The following ZC3H12C variants were observed in gnomAD, a reference collection of about 807,000 sequenced individuals.
ZC3H12C encodes probable ribonuclease ZC3H12C.
A neutral mutation model predicts 76.3 loss-of-function variants in ZC3H12C; 20 were observed. That is an observed-to-expected ratio of 0.26 (90% CI 0.18 to 0.38). The LOEUF is 0.38. ZC3H12C is among the 10% of genes least tolerant of loss of function. The pLI is 1.00. For missense variants in ZC3H12C, 874 were observed against 1,086.5 expected, an observed-to-expected ratio of 0.80 and a Z score of 2.75; for synonymous variants, 352 against 399.6, an observed-to-expected ratio of 0.88 and a Z score of 1.42.
At position 110,117,723 on chromosome 11, in the gene ZC3H12C, C is replaced by T. The variant is rs12419911; in HGVS notation, c.22-18940C>T. 4.1e-3 allele frequency among the ~76,000 whole-genome samples: 53 copies of T among 12,980 alleles called. 1 individual carries two copies. Among genetic ancestry groups the T allele is most frequent in the East Asian group, 0.021 (2 of 96 alleles). The allele number at this position is 12,980 out of a possible 152,430, so 8.5% of individuals were successfully genotyped here. On this transcript the variant is annotated intron_variant, in intron 1 of 5. Coordinates refer to ENST00000278590, the MANE Select transcript of ZC3H12C (RefSeq NM_033390.2). ...TATATATTATATATATACACACACA[C>T]ATATATATATACACACACATATATA...
At chr11:110,132,796 T>C (rs192566233) in intron 1 of ZC3H12C, among the ~76,000 whole-genome samples, 1 of 152,296 alleles carries the variant, frequency 6.6e-6, no homozygotes, top group East Asian at 1.9e-4. Flanking sequence ...CATTGATTAA[T>C]TTAAGATGGT....
chr11:110,094,695 A>G (rs1258875934), intron 1 of ZC3H12C, among the ~76,000 whole-genome samples: 1 of 152,152 alleles, frequency 6.6e-6, no homozygotes, highest in African/African-American at 2.4e-5. Flanking sequence ...ACATTGGTAA[A>G]ATTAATCTTA....
In ZC3H12C at chr11:110,164,521, C is replaced by T. The variant is rs1413129054; in HGVS notation, c.1436C>T (p.Thr479Ile). Reference protein sequence around the residue: ...SVPCSTKADSTSDVKRGAPKR... With the variant: ...SVPCSTKADSISDVKRGAPKR... Reference sequence around the variant, plus strand: ...CCTTGTAGCACCAAGGCTGATAGCACTTCTGATGTCAAACGAGGTGCTCCA... The same window carrying T: ...CCTTGTAGCACCAAGGCTGATAGCATTTCTGATGTCAAACGAGGTGCTCCA... Residue 479 changes from threonine to isoleucine, a missense_variant, in exon 6 of 6, where the codon ACT becomes ATT. By Grantham distance (89) the Thr-to-Ile change is moderately conservative. This residue lies in a region of ZC3H12C where 269 missense variants were observed against 424.9 expected (regional missense o/e 0.63). Coordinates refer to ENST00000278590, the MANE Select transcript of ZC3H12C (RefSeq NM_033390.2). The surrounding 1 kb of genome is among the most constrained non-coding windows in gnomAD (Gnocchi z 5.7). 1 of 1,614,000 alleles carries T rather than the reference C, an allele frequency of 6.2e-7. No homozygotes were observed. The highest frequency in any genetic ancestry group is 1.7e-5 in the Admixed American group (1 of 60,022).
At chr11:110,115,109 A>AT (rs953160566) in intron 1 of ZC3H12C, among the ~76,000 whole-genome samples, 31 of 151,548 alleles carry the variant, frequency 2.0e-4, no homozygotes, top group Admixed American at 2.0e-4. Flanking sequence ...ATTTTTATGT[A>AT]TTTATTTATT....
chr11:110,140,390 T>G (rs527340542), intron 2 of ZC3H12C, among the ~76,000 whole-genome samples: 1 of 152,246 alleles, frequency 6.6e-6, no homozygotes, highest in African/African-American at 2.4e-5. Flanking sequence ...TTCTTCAATA[T>G]TCTTCCATGA....
chr11:110,153,033 A>G lies in ZC3H12C; in HGVS notation c.888A>G (p.Gln296=), dbSNP rs777108254. The G allele has an allele frequency of 1.4e-5, 22 of 1,611,816 alleles. No homozygotes were observed. Among genetic ancestry groups the G allele is most frequent in the Non-Finnish European group, 3.4e-6 (4 of 1,179,016 alleles). Residue 296 remains glutamine (Q), a synonymous_variant, in exon 3 of 6, where the codon CAA becomes CAG. Transcript: ENST00000278590. Reference sequence around the variant, plus strand: ...TTGTTCCTGCTTGGAGGAAAGAGCAATCCCGACCTGATGCTCTCATTACAG... The same window carrying G: ...TTGTTCCTGCTTGGAGGAAAGAGCAGTCCCGACCTGATGCTCTCATTACAG... The part of the protein sequence containing the change: ...TVFVPAWRKE[Q]SRPDALITDQ...
intron 4 of ZC3H12C, among the ~76,000 whole-genome samples, chr11:110,161,959 C>T (rs1414659602): frequency 6.6e-6 from 1 of 152,112 alleles, no homozygotes; most frequent in African/African-American, 2.4e-5. Flanking sequence ...GGCGAAACCC[C>T]GTCTCTACTA....
Position 110,165,657 on chromosome 11 carries a change from A to G in ZC3H12C, c.2572A>G (p.Met858Val), listed in dbSNP as rs1375204838. The G allele has an allele frequency of 6.3e-7, 1 of 1,598,526 alleles. No individual in the cohort carries two copies. Among genetic ancestry groups the G allele is most frequent in the African/African-American group, 1.3e-5 (1 of 74,582 alleles). Residue 858 changes from methionine (M) to valine (V), a missense_variant, in exon 6 of 6, where the codon ATG becomes GTG. Met to Val is a conservative substitution (Grantham distance 21). Around this residue, in one of 3 missense-constraint regions of ZC3H12C, gnomAD observed 395 missense variants for 434.4 expected, o/e 0.91. Coordinates refer to ENST00000278590, the MANE Select transcript of ZC3H12C (RefSeq NM_033390.2). ...CCCCCCTGACCTTGTGAGAATTGTC[A>G]TGAAAAGGAATCCTCACATGACAGA... The part of the protein sequence containing the change: ...IFPPDLVRIV[M>V]KRNPHMTDAQ...
chr11:110,105,944 C>A (rs1158882192), intron 1 of ZC3H12C, among the ~76,000 whole-genome samples: 5 of 152,070 alleles, frequency 3.3e-5, no homozygotes, highest in Non-Finnish European at 2.9e-5. Context: ...TTAACAAATT[C>A]CTAGATGTGG....
chr11:110,136,406 A>G, intron 1 of ZC3H12C: 1 of 386,050 alleles, frequency 2.6e-6, no homozygotes, highest in South Asian at 4.8e-5. Context: ...ATCAGACGAA[A>G]CTGGGTAAAA....
intron 2 of ZC3H12C, among the ~76,000 whole-genome samples, chr11:110,139,710 A>T (rs940761079): frequency 6.6e-6 from 1 of 152,206 alleles, no homozygotes; most frequent in Admixed American, 6.5e-5. Flanking sequence ...GGAATAGTGA[A>T]GGAAGGTCAT....
intron 1 of ZC3H12C, among the ~76,000 whole-genome samples, chr11:110,109,529 A>G (rs1297083709): frequency 2.6e-5 from 4 of 152,112 alleles, no homozygotes; most frequent in Admixed American, 6.5e-5. Context: ...TTCCTTCATC[A>G]TTCATTACCA....
intron 1 of ZC3H12C, among the ~76,000 whole-genome samples, chr11:110,125,386 A>ATC (rs1260808617): frequency 6.7e-6 from 1 of 150,374 alleles, no homozygotes; most frequent in African/African-American, 2.5e-5. Flanking sequence ...CAGTGGTGTG[A>ATC]TCTTGGCTCC....
intron 1 of ZC3H12C, among the ~76,000 whole-genome samples, chr11:110,113,951 C>T (rs1170150141): frequency 1.3e-5 from 2 of 152,160 alleles, no homozygotes; most frequent in Non-Finnish European, 2.9e-5. Context: ...GAAATATGTA[C>T]TCAGAAACCT....
intron 1 of ZC3H12C, among the ~76,000 whole-genome samples, chr11:110,096,121 T>C (rs1354236107): frequency 1.3e-5 from 2 of 152,188 alleles, no homozygotes; most frequent in South Asian, 2.1e-4. Context: ...AAAACACATG[T>C]TATAATCTCT....
chr11:110,164,566 G>A lies in ZC3H12C; in HGVS notation c.1481G>A (p.Ser494Asn), dbSNP rs1405992426. ...RGAPKRQSDP[S>N]IRTQVYQDLE... ...GCTCCAAAGAGGCAATCAGATCCAA[G>A]CATAAGGACACAAGTCTACCAAGAC... Residue 494 changes from serine to asparagine, a missense_variant, in exon 6 of 6, where the codon AGC becomes AAC. Ser to Asn is a conservative substitution (Grantham distance 46, BLOSUM62 1). Transcript: ENST00000278590. The surrounding 1 kb of genome is among the most constrained non-coding windows in gnomAD (Gnocchi z 5.7). 33 of 1,613,962 alleles carry A rather than the reference G, an allele frequency of 2.0e-5. No individual in the cohort carries two copies. Among genetic ancestry groups the A allele is most frequent in the Non-Finnish European group, 2.6e-5 (31 of 1,179,880 alleles).
chr11:110,125,439 G>A (rs12272465), intron 1 of ZC3H12C, among the ~76,000 whole-genome samples: 106,506 of 149,978 alleles, frequency 0.71, 38,263 homozygotes, highest in East Asian at 0.89. Flanking sequence ...TCCTGCCTCA[G>A]CCTCCCGAAT....
At chr11:110,154,792 A>G (rs585797) in intron 3 of ZC3H12C, among the ~76,000 whole-genome samples, 96,527 of 141,530 alleles carry the variant, frequency 0.68, 33,908 homozygotes, top group South Asian at 0.78. Flanking sequence ...AAAATCCAAC[A>G]AAGAATCATG....
chr11:110,109,280 A>C lies in ZC3H12C; in HGVS notation c.21+15848A>C, dbSNP rs1861386822. 2.0e-5 allele frequency among the ~76,000 whole-genome samples: 3 copies of C among 152,204 alleles called. No homozygotes were observed. In the South Asian group the frequency reaches 6.2e-4, roughly 31 times the overall value. On this transcript the variant is annotated intron_variant, in intron 1 of 5. Transcript: ENST00000278590. ...GTAAAGGATTCTTTGTTAGGAATGG[A>C]ATCAAGTATATAAATCCTTAATAAA... is the stretch of plus-strand genomic sequence containing the variant.
Sources: allele counts gnomAD v4.1 joint callset (sites outside exome capture counted in the v4.1 genomes callset), GRCh38; gene constraint gnomAD v4.1.1; regional missense constraint gnomAD v4.1.1; non-coding constraint Gnocchi (gnomAD v3.1); transcripts MANE v1.5; gene names NCBI Gene and HGNC (gene_info 2026-07-23, HGNC 2026-07-21).